EVI5: variants seen among roughly 807,000 people sequenced by gnomAD.
The protein encoded by EVI5 is ecotropic viral integration site 5 protein homolog.
EVI5 carries 73 observed loss-of-function variants against 112.0 expected under a neutral mutation model. The observed-to-expected ratio is 0.65, with a 90% CI of 0.54 to 0.79. The LOEUF (loss-of-function observed/expected upper bound fraction) is 0.79. Ranked by LOEUF, EVI5 falls within the 30% of genes least tolerant of loss-of-function variation. EVI5 has a pLI of 0.00. For missense variants in EVI5, 900 were observed against 968.8 expected, an observed-to-expected ratio of 0.93 and a Z score of 0.94; for synonymous variants, 305 against 319.9, an observed-to-expected ratio of 0.95 and a Z score of 0.50.
intron 11 of EVI5, among the ~76,000 whole-genome samples, chr1:92,665,494 T>C (rs915923830): frequency 3.9e-5 from 6 of 152,150 alleles, no homozygotes; most frequent in Non-Finnish European, 8.8e-5. Flanking sequence ...AAAATCAACA[T>C]GAGTGAATTT....
At chr1:92,726,244 A>G (rs1422494095) in intron 2 of EVI5, among the ~76,000 whole-genome samples, 6 of 152,198 alleles carry the variant, frequency 3.9e-5, no homozygotes, top group Non-Finnish European at 7.3e-5. Context: ...TGGAAAAAAC[A>G]ATGACACCTC....
intron 18 of EVI5, among the ~76,000 whole-genome samples, chr1:92,597,151 A>G (rs928604590): frequency 6.6e-5 from 10 of 152,224 alleles, no homozygotes; most frequent in African/African-American, 2.4e-4. Flanking sequence ...TCTAGCAATT[A>G]GAAGAAAACA....
intron 19 of EVI5, among the ~76,000 whole-genome samples, chr1:92,535,748 G>A (rs760585937): frequency 5.9e-5 from 9 of 152,010 alleles, no homozygotes; most frequent in Non-Finnish European, 7.4e-5. Flanking sequence ...ATCACACACC[G>A]GGGCCTGTCG....
At chr1:92,787,481 A>C (rs958306215), upstream of EVI5, among the ~76,000 whole-genome samples, 1 of 152,182 alleles carries the variant, frequency 6.6e-6, no homozygotes, top group African/African-American at 2.4e-5. Context: ...CCTATAATCT[A>C]AACACTTTGG....
chr1:92,603,305 A>C (rs1649589803), intron 18 of EVI5, among the ~76,000 whole-genome samples: 1 of 152,254 alleles, frequency 6.6e-6, no homozygotes, highest in African/African-American at 2.4e-5. Context: ...TTTCTTAAAA[A>C]AATTAAACAA....
chr1:92,785,124 G>GAGGGCCTTAAAGAGACCCGGC, upstream of EVI5: 1 of 985,362 alleles, frequency 1.0e-6, no homozygotes, highest in Non-Finnish European at 1.2e-6. Context: ...GCAGGCGCGG[G>GAGGGCCTTAAAGAGACCCGGC]AGGGCCTTAA....
chr1:92,747,528 A>G (rs1053995530), intron 1 of EVI5, among the ~76,000 whole-genome samples: 6 of 152,012 alleles, frequency 3.9e-5, no homozygotes, highest in African/African-American at 1.2e-4. Flanking sequence ...AGCCTGGCCA[A>G]TATGACAAAA....
intron 13 of EVI5, among the ~76,000 whole-genome samples, chr1:92,639,052 T>A (rs1659435671): frequency 6.6e-6 from 1 of 152,130 alleles, no homozygotes. Flanking sequence ...TGGCTGGCAG[T>A]CTCAGCAAGG....
At chr1:92,624,888 T>A (rs931989625) in intron 15 of EVI5, among the ~76,000 whole-genome samples, 3 of 152,158 alleles carry the variant, frequency 2.0e-5, no homozygotes, top group Admixed American at 2.0e-4. Flanking sequence ...TGGCAATGTG[T>A]GTGGAAACAT....
chr1:92,545,829 T>C (rs1437985915), intron 19 of EVI5, among the ~76,000 whole-genome samples: 1 of 152,060 alleles, frequency 6.6e-6, no homozygotes, highest in Non-Finnish European at 1.5e-5. Context: ...CCTTTCATAC[T>C]AATCCTTCTC....
At chr1:92,723,516 T>A (rs941999797) in intron 2 of EVI5, among the ~76,000 whole-genome samples, 1 of 152,238 alleles carries the variant, frequency 6.6e-6, no homozygotes, top group Non-Finnish European at 1.5e-5. Flanking sequence ...CATTTATCAC[T>A]TCTCCAATCA....
chr1:92,654,347 C>A (rs1662661105), intron 13 of EVI5, among the ~76,000 whole-genome samples: 1 of 152,068 alleles, frequency 6.6e-6, no homozygotes, highest in Admixed American at 6.5e-5. Context: ...CTTGAGACTT[C>A]CGCCATCCCA....
intron 19 of EVI5, among the ~76,000 whole-genome samples, chr1:92,533,137 C>T (rs1325425077): frequency 6.6e-6 from 1 of 151,642 alleles, no homozygotes; most frequent in African/African-American, 2.4e-5. Context: ...GAAATACAAA[C>T]TATCATCAGA....
intron 2 of EVI5, among the ~76,000 whole-genome samples, chr1:92,734,996 TAGA>T (rs1246580418): frequency 1.3e-5 from 2 of 152,172 alleles, no homozygotes; most frequent in African/African-American, 4.8e-5. Flanking sequence ...GACAAGGATG[TAGA>T]AGAACTGGTA....
intron 17 of EVI5, among the ~76,000 whole-genome samples, chr1:92,605,640 G>A (rs2101582200): frequency 6.6e-6 from 1 of 152,170 alleles, no homozygotes. Flanking sequence ...ATTAAGTTTT[G>A]CCTCCAAAGG....
chr1:92,607,507 A>AT (rs1650683344), intron 17 of EVI5, 74 bp downstream of exon 17: 1 of 1,048,908 alleles, frequency 9.5e-7, no homozygotes, highest in South Asian at 2.0e-5. Context: ...AGATAATCTA[A>AT]TCACGATAAA....
At position 92,625,857 on chromosome 1, in the gene EVI5, T is replaced by G; in HGVS notation, c.1605A>C (p.Ala535=). 1 of 1,612,666 alleles carries G rather than the reference T, an allele frequency of 6.2e-7. No individual in the cohort carries two copies. The highest frequency in any genetic ancestry group is 8.5e-7 in the Non-Finnish European group (1 of 1,178,794). ...EELIAVKLRE[A]EAIMGLKELR... ...GTTCTTTCAAACCCATAATGGCTTC[T>G]GCTTCTCTAAGTTTCACAGCAATGA... Residue 535 remains alanine (A), a synonymous_variant, in exon 15 of 20, where the codon GCA becomes GCC. Transcript: ENST00000684568.
chr1:92,652,783 G>A (rs1039143953), intron 13 of EVI5, among the ~76,000 whole-genome samples: 10 of 152,168 alleles, frequency 6.6e-5, no homozygotes, highest in Non-Finnish European at 1.3e-4. Flanking sequence ...GGTTACAAGT[G>A]AATAACCATA....
At chr1:92,649,603 T>C (rs778946058) in intron 13 of EVI5, among the ~76,000 whole-genome samples, 1 of 152,098 alleles carries the variant, frequency 6.6e-6, no homozygotes, top group African/African-American at 2.4e-5. Flanking sequence ...ATCGCTTGAG[T>C]TCAGCTTGAG....
Sources: gnomAD v4.1 joint callset for allele counts (sites outside exome capture counted in the v4.1 genomes callset) on GRCh38, gnomAD v4.1.1 for gene constraint, MANE v1.5 for transcripts, NCBI Gene and HGNC (gene_info 2026-07-23, HGNC 2026-07-21) for gene names.